Variants in MAPK10 observed in about 807,000 individuals in gnomAD.
MAPK10 encodes mitogen-activated protein kinase 10, also known as JNK3 alpha protein kinase.
Under a neutral mutation model 59.3 loss-of-function variants are expected in MAPK10, and 25 were observed. The ratio of observed to expected loss-of-function variants is 0.42; its 90% CI spans 0.31 to 0.59. MAPK10 has a LOEUF of 0.59. MAPK10 is among the 20% of genes least tolerant of loss of function. MAPK10 has a pLI of 0.15. For synonymous variants in MAPK10, 190 were observed against 200.5 expected, an observed-to-expected ratio of 0.95 and a Z score of 0.44; for missense variants, 351 against 568.9, an observed-to-expected ratio of 0.62 and a Z score of 3.90.
At chr4:86,540,815 A>T (rs1462124210) in intron 1 of MAPK10, among the ~76,000 whole-genome samples, 1 of 151,942 alleles carries the variant, frequency 6.6e-6, no homozygotes, top group Non-Finnish European at 1.5e-5. Flanking sequence ...AAAAGAAGGT[A>T]CTTTGGGGTA....
At chr4:86,168,680 G>C (rs1179677374) in intron 3 of MAPK10, among the ~76,000 whole-genome samples, 1 of 152,096 alleles carries the variant, frequency 6.6e-6, no homozygotes, top group Non-Finnish European at 1.5e-5. Flanking sequence ...AGACTTAAAT[G>C]TCCCTGTCTG....
At chr4:86,188,437 T>C (rs1006864242) in intron 3 of MAPK10, among the ~76,000 whole-genome samples, 1 of 152,190 alleles carries the variant, frequency 6.6e-6, no homozygotes, top group Non-Finnish European at 1.5e-5. Context: ...ATGCTCACCA[T>C]TCTAACTGGC....
At chr4:86,504,619 T>G (rs574133505) in intron 1 of MAPK10, among the ~76,000 whole-genome samples, 1 of 152,234 alleles carries the variant, frequency 6.6e-6, no homozygotes, top group East Asian at 1.9e-4. Flanking sequence ...CCACTGCCTT[T>G]TCATCAAGTT....
intron 1 of MAPK10, among the ~76,000 whole-genome samples, chr4:86,500,647 T>C (rs1476743103): frequency 6.6e-6 from 1 of 152,116 alleles, no homozygotes; most frequent in Non-Finnish European, 1.5e-5. Context: ...GCCCTCTATA[T>C]ATGTTTCCCC....
chr4:86,194,420 G>T lies in MAPK10; in HGVS notation c.-6-13C>A. On this transcript the variant is annotated splice_polypyrimidine_tract_variant and intron_variant, in intron 2 of 13. Transcript: ENST00000641462. Reference sequence around the variant, plus strand: ...GGCTCATAAATACCTAGAGGAAAAAGAAATGGAGCATAAATTTTCAAATCA... The same window carrying T: ...GGCTCATAAATACCTAGAGGAAAAATAAATGGAGCATAAATTTTCAAATCA... 7.0e-7 allele frequency: 1 copy of T among 1,436,908 alleles called. No individual in the cohort carries two copies. The highest frequency in any genetic ancestry group is 9.8e-7 in the Non-Finnish European group (1 of 1,020,374). 89.0% of individuals were successfully genotyped at this position (1,436,908 alleles called of 1,614,324 possible).
At chr4:86,222,554 G>GC (rs1317084579) in intron 2 of MAPK10, among the ~76,000 whole-genome samples, 1 of 152,246 alleles carries the variant, frequency 6.6e-6, no homozygotes, top group Non-Finnish European at 1.5e-5. Context: ...GGTCTCTGTT[G>GC]CAACTGCATG....
intron 1 of MAPK10, among the ~76,000 whole-genome samples, chr4:86,495,601 TA>T (rs1754814696): frequency 6.6e-6 from 1 of 152,192 alleles, no homozygotes; most frequent in Non-Finnish European, 1.5e-5. Flanking sequence ...ATATTACAAA[TA>T]GGGGTTTTCC....
chr4:86,588,665 G>C (rs1762804601), intron 1 of MAPK10, among the ~76,000 whole-genome samples: 1 of 152,036 alleles, frequency 6.6e-6, no homozygotes, highest in African/African-American at 2.4e-5. Context: ...TTCTGAAGTA[G>C]AATAAATTAA....
chr4:86,373,382 T>C (rs1052171383), intron 1 of MAPK10, among the ~76,000 whole-genome samples: 2 of 151,904 alleles, frequency 1.3e-5, no homozygotes, highest in African/African-American at 2.4e-5. Context: ...CCAAAAGCAA[T>C]AGCAACAAAA....
At chr4:86,249,793 G>C (rs2093322878) in intron 2 of MAPK10, among the ~76,000 whole-genome samples, 1 of 152,108 alleles carries the variant, frequency 6.6e-6, no homozygotes, top group Non-Finnish European at 1.5e-5. Flanking sequence ...TTCTAGGCCA[G>C]GTGGGCCCCC....
At chr4:86,022,825 A>G (rs1195475759) in intron 13 of MAPK10, among the ~76,000 whole-genome samples, 1 of 152,200 alleles carries the variant, frequency 6.6e-6, no homozygotes, top group Non-Finnish European at 1.5e-5. Flanking sequence ...AGCTCTTTAT[A>G]TAATCTGGGT....
Position 86,013,034 on chromosome 4 carries a change from A to G in MAPK10, c.*4194T>C, listed in dbSNP as rs910235469. On this transcript the variant is annotated 3_prime_UTR_variant, in exon 14 of 14. Coordinates refer to ENST00000641462, the MANE Select transcript of MAPK10 (RefSeq NM_138982.4). The stretch of plus-strand genomic sequence containing the variant: ...CATAAGGATTGGGAGATTTGTGTCC[A>G]TTAGAATATACTGGCCATTGGTCCC... 3.9e-5 allele frequency: 6 copies of G among 152,200 alleles called. No individual in the cohort carries two copies. The highest frequency in any genetic ancestry group is 2.6e-4 in the Admixed American group (4 of 15,264). The allele number at this position is 152,200 out of a possible 1,614,324, so 9.4% of individuals were successfully genotyped here.
chr4:86,127,375 C>G (rs774339952), intron 4 of MAPK10, among the ~76,000 whole-genome samples: 18 of 151,926 alleles, frequency 1.2e-4, no homozygotes, highest in Non-Finnish European at 1.6e-4. Context: ...TGATGTACTC[C>G]TAACACCAGA....
chr4:86,393,590 T>C (rs1742520053), intron 1 of MAPK10, among the ~76,000 whole-genome samples: 1 of 152,208 alleles, frequency 6.6e-6, no homozygotes, highest in African/African-American at 2.4e-5. Flanking sequence ...AACTACAATG[T>C]TTTTTCTGAA....
intron 4 of MAPK10, among the ~76,000 whole-genome samples, chr4:86,127,234 T>C (rs941666705): frequency 3.3e-5 from 5 of 150,658 alleles, no homozygotes; most frequent in Non-Finnish European, 5.9e-5. Flanking sequence ...ATCCTACTAC[T>C]TGACTGTAAG....
chr4:86,451,334 G>A (rs958383448), intron 1 of MAPK10, among the ~76,000 whole-genome samples: 3 of 152,160 alleles, frequency 2.0e-5, no homozygotes, highest in African/African-American at 7.2e-5. Flanking sequence ...TTATTAAATA[G>A]AGTAAAATAT....
At chr4:86,157,570 G>C (rs2149223770) in intron 4 of MAPK10, among the ~76,000 whole-genome samples, 1 of 151,986 alleles carries the variant, frequency 6.6e-6, no homozygotes, top group Non-Finnish European at 1.5e-5. Context: ...ACATAGAAAA[G>C]GTCTGTGGAT....
chr4:86,447,293 TG>T (rs1453743511), intron 1 of MAPK10, among the ~76,000 whole-genome samples: 3 of 152,202 alleles, frequency 2.0e-5, no homozygotes, highest in African/African-American at 7.2e-5. Flanking sequence ...TGTTGCCTTG[TG>T]AAGAAGGTTC....
intron 3 of MAPK10, among the ~76,000 whole-genome samples, chr4:86,187,625 GAAAAGAAATACT>G (rs1163993518): frequency 6.6e-6 from 1 of 151,986 alleles, no homozygotes; most frequent in African/African-American, 2.4e-5. Flanking sequence ...TCAAGGATTT[GAAAAGAAATACT>G]AAAATCTTTA....
Sources: gnomAD v4.1 joint callset for allele counts (sites outside exome capture counted in the v4.1 genomes callset) on GRCh38, gnomAD v4.1.1 for gene constraint, MANE v1.5 for transcripts, NCBI Gene and HGNC (gene_info 2026-07-23, HGNC 2026-07-21) for gene names.